IFT140: variants seen among roughly 807,000 people sequenced by gnomAD.
IFT140 encodes intraflagellar transport 140, also known as intraflagellar transport protein 140 homolog.
Under a neutral mutation model 164.6 loss-of-function variants are expected in IFT140, and 133 were observed. The observed-to-expected ratio is 0.81, with a 90% CI of 0.70 to 0.93. The LOEUF (loss-of-function observed/expected upper bound fraction) is 0.93, where lower values mean the gene tolerates loss of function less well. Among genes scored for constraint, IFT140 ranks in the 40% least tolerant of loss-of-function variants. IFT140 has a pLI of 0.00. For missense variants in IFT140, 2,045 were observed against 1,972.3 expected (o/e 1.04, Z -0.70); for synonymous variants, 860 against 817.3 (o/e 1.05, Z -0.89).
At chr16:1,576,283 C>T (rs868405065) in intron 13 of IFT140, among the ~76,000 whole-genome samples, 31 of 120,028 alleles carry the variant, frequency 2.6e-4, no homozygotes, top group Middle Eastern at 4.2e-3. Context: ...GAGACTCTGT[C>T]TTTAAAAAAA....
intron 14 of IFT140, among the ~76,000 whole-genome samples, chr16:1,570,915 C>T (rs2033980151): frequency 6.6e-6 from 1 of 152,050 alleles, no homozygotes; most frequent in South Asian, 2.1e-4. Flanking sequence ...GCCACCATGC[C>T]CAGCTAATTT....
In IFT140 at chr16:1,561,972, C is replaced by G; in HGVS notation, c.2199+13G>C. Reference sequence around the variant, plus strand: ...GATCAGAAGACACCTGTGCGGATGTCGTGGCTTCGTACCTTTCTTGTGAAG... The same window carrying G: ...GATCAGAAGACACCTGTGCGGATGTGGTGGCTTCGTACCTTTCTTGTGAAG... On this transcript the variant is annotated intron_variant, in intron 18 of 30. Transcript: ENST00000426508. 6.3e-7 allele frequency: 1 copy of G among 1,585,366 alleles called. No individual in the cohort carries two copies. Among genetic ancestry groups the G allele is most frequent in the Non-Finnish European group, 8.6e-7 (1 of 1,165,896 alleles).
In IFT140 at chr16:1,602,431, G is replaced by C; in HGVS notation, c.308C>G (p.Thr103Arg). Residue 103 changes from threonine (T) to arginine (R), a missense_variant, in exon 4 of 31, where the codon ACA (threonine) becomes AGA (arginine). Coordinates refer to ENST00000426508, the MANE Select transcript of IFT140 (RefSeq NM_014714.4). ...CCAACGGAGCACGGTGATGTCGGCT[G>C]TGTGTGTCAGGGGCATCGTGTGCTG... ...KEQHTMPLTH[T>R]ADITVLRWSP... The C allele has an allele frequency of 3.1e-6, 5 of 1,614,240 alleles. No individual in the cohort carries two copies. Among genetic ancestry groups the C allele is most frequent in the Non-Finnish European group, 4.2e-6 (5 of 1,180,038 alleles).
At chr16:1,611,835 AAG>A (rs1200468929) in intron 1 of IFT140, 131 bp downstream of exon 1, 2 of 152,130 alleles carry the variant, frequency 1.3e-5, no homozygotes, top group Admixed American at 1.3e-4. Flanking sequence ...AAAAGAAAGA[AAG>A]AAACACTGGA....
intron 16 of IFT140, among the ~76,000 whole-genome samples, 186 bp downstream of exon 16, chr16:1,565,975 G>A (rs2033690079): frequency 6.6e-6 from 1 of 152,190 alleles, no homozygotes; most frequent in South Asian, 2.1e-4. Flanking sequence ...TCCACCTGAA[G>A]GACAGAGACT....
At position 1,553,504 on chromosome 16, in the gene IFT140, C is replaced by G. The variant is rs754325715; in HGVS notation, c.2399+4431G>C. On this transcript the variant is annotated intron_variant, in intron 19 of 30. Transcript: ENST00000426508. This position sits in a 1 kb window ranked among gnomAD's most constrained non-coding sequence, Gnocchi z 4.4. ...GGACAGCAGTGGGGCTCGGCGTGGC[C>G]GGAGCCTGGGGAGGGACATGGACAA... is the stretch of plus-strand genomic sequence containing the variant. The G allele has an allele frequency of 6.1e-6, 6 of 985,288 alleles. No homozygotes were observed. The highest frequency in any genetic ancestry group is 7.2e-6 in the Non-Finnish European group (6 of 829,932). 61.0% of individuals were successfully genotyped at this position (985,288 alleles called of 1,614,324 possible). A position where few individuals can be genotyped will look rare whatever the true frequency, so the allele number is the denominator to read the frequency against.
chr16:1,511,229 T>C (rs2040137898), intron 30 of IFT140, 79 bp from the exon 31 acceptor site: 25 of 1,380,148 alleles, frequency 1.8e-5, no homozygotes, highest in Non-Finnish European at 2.5e-5. Flanking sequence ...AGGCACGTGC[T>C]GCTGCCCCTG....
At chr16:1,541,789 G>A in intron 19 of IFT140, 2 of 1,129,702 alleles carry the variant, frequency 1.8e-6, no homozygotes, top group Non-Finnish European at 2.5e-6. Flanking sequence ...CGAAGCCACT[G>A]CCCAATGGAG....
Position 1,510,519 on chromosome 16 carries a change from G to A in IFT140, c.*425C>T. 8.0e-6 allele frequency: 2 copies of A among 250,496 alleles called. No homozygotes were observed. Among genetic ancestry groups the A allele is most frequent in the South Asian group, 9.7e-5 (2 of 20,530 alleles). The allele number at this position is 250,496 out of a possible 1,614,324, so 15.5% of individuals were successfully genotyped here. A position where few individuals can be genotyped will look rare whatever the true frequency, so the allele number is the denominator to read the frequency against. On this transcript the variant is annotated 3_prime_UTR_variant, in exon 31 of 31. Coordinates refer to ENST00000426508, the MANE Select transcript of IFT140 (RefSeq NM_014714.4). ...GGGGTGCAGCCGCCAAGGCCCGGGT[G>A]TCCCAGCTGTTGCTCAGGAGCCGTG... is the stretch of plus-strand genomic sequence containing the variant.
intron 21 of IFT140, 104 bp from the exon 22 acceptor site, chr16:1,525,430 C>T (rs1381845292): frequency 2.3e-6 from 2 of 852,896 alleles, no homozygotes; most frequent in Non-Finnish European, 3.9e-6. Context: ...GAGCGGTGGC[C>T]CTCGGGGTGT....
Position 1,553,206 on chromosome 16 carries a change from C to T in IFT140, c.2399+4729G>A. 6 of 979,604 alleles carry T rather than the reference C, an allele frequency of 6.1e-6. No individual in the cohort carries two copies. The highest frequency in any genetic ancestry group is 7.3e-6 in the Non-Finnish European group (6 of 824,672). 60.7% of individuals were successfully genotyped at this position (979,604 alleles called of 1,614,324 possible). On this transcript the variant is annotated intron_variant, in intron 19 of 30. Coordinates refer to ENST00000426508, the MANE Select transcript of IFT140 (RefSeq NM_014714.4). The surrounding 1 kb of genome is among the most constrained non-coding windows in gnomAD (Gnocchi z 4.4). ...TGTCTCTCCTTCCCTGTGTCTCTGT[C>T]TCTGTCTCTCTCTGTCTCCATCTGT...
chr16:1,569,058 G>A (rs2033879317), intron 14 of IFT140, among the ~76,000 whole-genome samples: 1 of 148,138 alleles, frequency 6.8e-6, no homozygotes, highest in Non-Finnish European at 1.5e-5. Flanking sequence ...AGGCTGGAGT[G>A]CAGTGGCGCC....
At chr16:1,545,209 CG>C (rs1032968946) in intron 19 of IFT140, among the ~76,000 whole-genome samples, 1 of 152,064 alleles carries the variant, frequency 6.6e-6, no homozygotes, top group Non-Finnish European at 1.5e-5. Context: ...GGGATGGTGG[CG>C]GGGGCGGGAC....
At chr16:1,592,008 C>T (rs2035206110) in intron 6 of IFT140, among the ~76,000 whole-genome samples, 168 bp downstream of exon 6, 1 of 152,234 alleles carries the variant, frequency 6.6e-6, no homozygotes, top group Non-Finnish European at 1.5e-5. Flanking sequence ...GGATGGATGG[C>T]TGCAGAGAGT....
intron 24 of IFT140, chr16:1,524,188 A>G (rs2040605357): frequency 6.3e-6 from 4 of 635,610 alleles, no homozygotes; most frequent in Non-Finnish European, 1.1e-5. Context: ...CTGACACGGG[A>G]GATGCTTCTG....
chr16:1,512,076 G>A (rs543756921), intron 30 of IFT140, among the ~76,000 whole-genome samples: 2 of 149,938 alleles, frequency 1.3e-5, no homozygotes, highest in East Asian at 3.9e-4. Flanking sequence ...GCAATCAAGT[G>A]GTTTCCAGAA....
intron 26 of IFT140, among the ~76,000 whole-genome samples, chr16:1,522,230 G>A (rs1052542274): frequency 2.6e-5 from 4 of 152,064 alleles, no homozygotes; most frequent in African/African-American, 9.7e-5. Flanking sequence ...GGTGGTGGGC[G>A]CCTGTAGTCC....
chr16:1,534,003 G>C (rs1391287793), intron 19 of IFT140: 2 of 493,176 alleles, frequency 4.1e-6, no homozygotes, highest in African/African-American at 4.1e-5. Context: ...CTGGCCCTGG[G>C]TTCTTGCTGC....
At chr16:1,516,584 A>G (rs1350960344) in intron 30 of IFT140, among the ~76,000 whole-genome samples, 1 of 151,928 alleles carries the variant, frequency 6.6e-6, no homozygotes, top group Non-Finnish European at 1.5e-5. Flanking sequence ...CCTGGCTAAC[A>G]CGGTGAAACC....
Sources: allele counts gnomAD v4.1 joint callset (sites outside exome capture counted in the v4.1 genomes callset), GRCh38; gene constraint gnomAD v4.1.1; non-coding constraint Gnocchi (gnomAD v3.1); transcripts MANE v1.5; gene names NCBI Gene and HGNC (gene_info 2026-07-23, HGNC 2026-07-21).